Variants in LACTBL1 observed in about 807,000 individuals in gnomAD.
LACTBL1 encodes the protein beta-lactamase-like protein 1.
In LACTBL1, 29 loss-of-function variants were observed where a neutral mutation model predicts 39.6. The observed-to-expected ratio is 0.73, with a 90% CI of 0.55 to 1.00. LACTBL1 has a LOEUF of 1.00. LACTBL1 is among the 50% of genes least tolerant of loss of function. The pLI is 0.00. For missense variants in LACTBL1, 711 were observed against 748.5 expected (o/e 0.95, Z 0.59); for synonymous variants, 361 against 360.7 (o/e 1.00, Z -0.01).
chr1:22,953,849 C>T, exon 6 of LACTBL1: 3 of 1,548,466 alleles, frequency 1.9e-6, no homozygotes, highest in East Asian at 2.4e-5. Flanking sequence ...CGCCCGCTGC[C>T]GTAGAAGCCC....
chr1:22,965,724 C>G (rs986018038), upstream of LACTBL1, among the ~76,000 whole-genome samples: 5 of 152,196 alleles, frequency 3.3e-5, no homozygotes, highest in Non-Finnish European at 7.3e-5. Context: ...CTCAACTCTC[C>G]TGTATTAGTC....
At chr1:22,972,139 AGATGATGATGATGATGATGAT>A in the LACTBL1 span, among the ~76,000 whole-genome samples, 93 of 148,366 alleles carry the variant, frequency 6.3e-4, no homozygotes, top group Admixed American at 2.7e-3. Context: ...CAAGCTCTAG[AGATGATGATGATGATGATGAT>A]GATGATGATG....
chr1:22,958,437 A>C (rs1324993992), intron 4 of LACTBL1, among the ~76,000 whole-genome samples: 1 of 152,192 alleles, frequency 6.6e-6, no homozygotes, highest in Non-Finnish European at 1.5e-5. Flanking sequence ...TTTGACCTGC[A>C]CTGATGGGTA....
chr1:22,953,385 G>T (rs903304204), exon 6 of LACTBL1: 1 of 1,228,334 alleles, frequency 8.1e-7, no homozygotes, highest in African/African-American at 1.6e-5. Context: ...TGGCGAAGGT[G>T]AAGTAGCCGG....
At chr1:22,965,769 C>G (rs1640870782), upstream of LACTBL1, among the ~76,000 whole-genome samples, 1 of 152,184 alleles carries the variant, frequency 6.6e-6, no homozygotes, top group Non-Finnish European at 1.5e-5. Flanking sequence ...ATACCCAAGA[C>G]TGAGTAATTT....
intron 2 of LACTBL1, among the ~76,000 whole-genome samples, chr1:22,960,414 A>G (rs2869051): frequency 0.25 from 38,667 of 151,796 alleles, 5,582 homozygotes; most frequent in African/African-American, 0.38. Context: ...TCAGGAGTTC[A>G]AGGCCAGCCT....
intron 5 of LACTBL1, among the ~76,000 whole-genome samples, chr1:22,954,491 T>C (rs537132255): frequency 1.3e-5 from 2 of 152,264 alleles, no homozygotes; most frequent in Admixed American, 1.3e-4. Flanking sequence ...CCAGAGCAAA[T>C]ACAGTTTCAG....
At chr1:22,972,855 G>A in the LACTBL1 span, 1 of 985,322 alleles carries the variant, frequency 1.0e-6, no homozygotes, top group Non-Finnish European at 1.2e-6. Flanking sequence ...CTGTGTTCCA[G>A]AGGACAGGAA....
At chr1:22,953,863 G>T in exon 6 of LACTBL1, 10 of 1,548,820 alleles carry the variant, frequency 6.5e-6, no homozygotes, top group Non-Finnish European at 7.0e-6. Flanking sequence ...GAAGCCCGCG[G>T]CCAGGCGCGC....
the LACTBL1 span, chr1:22,972,309 G>T: frequency 4.1e-6 from 4 of 985,064 alleles, no homozygotes; most frequent in African/African-American, 3.5e-5. Context: ...CCTCACCTGG[G>T]TCTTCATTCT....
At chr1:22,963,340 G>A (rs1008004809) in intron 1 of LACTBL1, 124 bp from the exon 4 acceptor site, 7 of 481,210 alleles carry the variant, frequency 1.5e-5, no homozygotes, top group African/African-American at 4.0e-5. Flanking sequence ...CGAGCCGGGG[G>A]ATATCAGGGT....
intron 1 of LACTBL1, among the ~76,000 whole-genome samples, chr1:22,963,973 T>C (rs1420064275): frequency 6.6e-6 from 1 of 151,976 alleles, no homozygotes; most frequent in Admixed American, 6.5e-5. Context: ...CAGGCTGGAG[T>C]ACAATGGTGC....
upstream of LACTBL1, chr1:22,965,521 C>T: frequency 1.7e-6 from 1 of 591,986 alleles, no homozygotes; most frequent in Non-Finnish European, 2.1e-6. Context: ...CTCAAGTTAG[C>T]CAGACATCAC....
upstream of LACTBL1, among the ~76,000 whole-genome samples, chr1:22,969,269 A>G (rs1640914371): frequency 1.3e-5 from 2 of 152,220 alleles, no homozygotes; most frequent in Admixed American, 1.3e-4. Flanking sequence ...TGGTTATAGA[A>G]TAAAGTAGGG....
intron 4 of LACTBL1, among the ~76,000 whole-genome samples, chr1:22,955,867 C>T (rs930229319): frequency 8.0e-5 from 12 of 150,422 alleles, no homozygotes; most frequent in African/African-American, 2.2e-4. Flanking sequence ...TTCAAGACCA[C>T]GCTGGCCAAC....
chr1:22,972,334 A>C, the LACTBL1 span: 2 of 985,114 alleles, frequency 2.0e-6, no homozygotes, highest in African/African-American at 3.5e-5. Flanking sequence ...AAGGCATGGA[A>C]GATTCTGGCT....
At position 22,953,908 on chromosome 1, in the gene LACTBL1, G is replaced by T. The variant is rs763034181; in HGVS notation, c.776C>A (p.Ala259Glu). ...GGGCGTGAGGTCAAAGCCCGTGTCTGCCATCCCCAGCGGCTCCAGCACGTT... is the reference window on the plus strand; with the variant it reads ...GGGCGTGAGGTCAAAGCCCGTGTCTTCCATCCCCAGCGGCTCCAGCACGTT... Residue 259 changes from alanine (A) to glutamate (E), a missense_variant, in exon 6 of 6, where the codon GCA becomes GAA. By Grantham distance (107) the Ala-to-Glu change is moderately radical. Coordinates refer to ENST00000426928, the Ensembl canonical transcript of LACTBL1. 5 of 1,550,276 alleles carry T rather than the reference G, an allele frequency of 3.2e-6. No homozygotes were observed. In the South Asian group the frequency reaches 5.9e-5, roughly 18 times the overall value.
chr1:22,959,981 T>G (rs986295514), exon 3 of LACTBL1: 79 of 1,550,970 alleles, frequency 5.1e-5, no homozygotes, highest in Non-Finnish European at 6.6e-5. Flanking sequence ...AGAAGCCGGG[T>G]CTGAGCCATT....
chr1:22,958,961 G>T, intron 3 of LACTBL1, 41 bp from the exon 6 acceptor site: 1 of 1,408,356 alleles, frequency 7.1e-7, no homozygotes, highest in Non-Finnish European at 9.7e-7. Context: ...AGGGCATCCT[G>T]TTGGCCCCAC....
Sources: gnomAD v4.1 joint callset for allele counts (sites outside exome capture counted in the v4.1 genomes callset) on GRCh38, gnomAD v4.1.1 for gene constraint, MANE v1.5 for transcripts, NCBI Gene and HGNC (gene_info 2026-07-23, HGNC 2026-07-21) for gene names.